Variants in DCC observed in about 807,000 individuals in gnomAD.
The protein encoded by DCC is netrin receptor DCC.
DCC carries 58 observed loss-of-function variants against 172.5 expected under a neutral mutation model. The ratio of observed to expected loss-of-function variants is 0.34; its 90% CI spans 0.27 to 0.42. DCC has a LOEUF of 0.42. Ranked by LOEUF, DCC falls within the 10% of genes least tolerant of loss-of-function variation. The pLI, the probability that DCC is intolerant of heterozygous loss-of-function variation, is 1.00. For synonymous variants in DCC, 709 were observed against 644.5 expected (o/e 1.10, Z -1.52); for missense variants, 1,740 against 1,791.0 (o/e 0.97, Z 0.51).
At chr18:52,892,040 TG>T (rs1891932490) in intron 2 of DCC, among the ~76,000 whole-genome samples, 1 of 152,166 alleles carries the variant, frequency 6.6e-6, no homozygotes. Context: ...GGATGACATC[TG>T]AATTATCCAC....
chr18:53,199,402 C>T (rs2055500318), intron 9 of DCC, among the ~76,000 whole-genome samples: 1 of 151,990 alleles, frequency 6.6e-6, no homozygotes, highest in South Asian at 2.1e-4. Flanking sequence ...CATTGTTGAA[C>T]ATTTTTGAGT....
intron 12 of DCC, among the ~76,000 whole-genome samples, chr18:53,229,789 A>C (rs914103657): frequency 6.6e-6 from 1 of 152,160 alleles, no homozygotes; most frequent in Admixed American, 6.6e-5. Flanking sequence ...GTTTAAAGAA[A>C]GGAAAAAAGC....
chr18:52,854,786 G>T (rs2039026393), intron 2 of DCC, among the ~76,000 whole-genome samples: 1 of 152,150 alleles, frequency 6.6e-6, no homozygotes, highest in Admixed American at 6.5e-5. Context: ...TTCCAGAAAA[G>T]AAATCTTTGG....
chr18:53,417,886 T>C (rs1366883662), intron 21 of DCC, among the ~76,000 whole-genome samples: 1 of 152,162 alleles, frequency 6.6e-6, no homozygotes, highest in African/African-American at 2.4e-5. Flanking sequence ...ATTCTGTAAA[T>C]TGATTATTTT....
chr18:53,207,670 T>C lies in DCC; in HGVS notation c.1723-9T>C, dbSNP rs202111848. On this transcript the variant is annotated splice_polypyrimidine_tract_variant and intron_variant, in intron 10 of 28. Coordinates refer to ENST00000442544, the MANE Select transcript of DCC (RefSeq NM_005215.4). Reference sequence around the variant, plus strand: ...CCTTGATAACAGTTTTGGTGTTTTATGTCTCCAGAATATAGAGGTTGATGG... The same window carrying C: ...CCTTGATAACAGTTTTGGTGTTTTACGTCTCCAGAATATAGAGGTTGATGG... 11 of 1,613,282 alleles carry C rather than the reference T, an allele frequency of 6.8e-6. No individual in the cohort carries two copies. The East Asian group carries it at 2.2e-4, about 33-fold the overall frequency.
intron 1 of DCC, among the ~76,000 whole-genome samples, chr18:52,612,729 G>T (rs2034298590): frequency 6.6e-6 from 1 of 152,112 alleles, no homozygotes; most frequent in African/African-American, 2.4e-5. Flanking sequence ...TACTTAAATG[G>T]ATTTGATTGT....
chr18:53,052,569 C>G (rs750865523), intron 5 of DCC, among the ~76,000 whole-genome samples: 3 of 152,050 alleles, frequency 2.0e-5, no homozygotes, highest in Admixed American at 6.6e-5. Flanking sequence ...CTTGGGATCC[C>G]TTAAGCTCCA....
chr18:52,346,646 A>G (rs1194523470), intron 1 of DCC, among the ~76,000 whole-genome samples: 1 of 152,080 alleles, frequency 6.6e-6, no homozygotes, highest in Non-Finnish European at 1.5e-5. Flanking sequence ...ACCAGTGCAT[A>G]TTGCTCTTTT....
chr18:53,389,363 CAATT>C (rs1247172263), intron 16 of DCC, among the ~76,000 whole-genome samples: 1 of 152,124 alleles, frequency 6.6e-6, no homozygotes, highest in Non-Finnish European at 1.5e-5. Flanking sequence ...GAGAAAAAGA[CAATT>C]AATATATGCA....
intron 21 of DCC, among the ~76,000 whole-genome samples, chr18:53,429,262 TG>T (rs1911447027): frequency 6.8e-6 from 1 of 146,858 alleles, no homozygotes; most frequent in Non-Finnish European, 1.5e-5. Context: ...CTTTAGAAGA[TG>T]GTCTCTGCAA....
At chr18:52,472,831 A>G (rs1988985362) in intron 1 of DCC, among the ~76,000 whole-genome samples, 2 of 152,040 alleles carry the variant, frequency 1.3e-5, no homozygotes, top group South Asian at 4.1e-4. Flanking sequence ...CACTTGAGCT[A>G]AGGGGTTTGA....
At chr18:52,465,539 C>T (rs1188409700) in intron 1 of DCC, among the ~76,000 whole-genome samples, 1 of 152,026 alleles carries the variant, frequency 6.6e-6, no homozygotes, top group Non-Finnish European at 1.5e-5. Context: ...GTGGAGATGC[C>T]CTCAGGGACT....
chr18:53,098,539 T>C (rs530476466), intron 7 of DCC, among the ~76,000 whole-genome samples: 19 of 152,222 alleles, frequency 1.2e-4, no homozygotes, highest in African/African-American at 1.9e-4. Context: ...TGATTAGACC[T>C]AAGTTATGCA....
At chr18:53,016,461 G>T (rs2041808737) in intron 5 of DCC, among the ~76,000 whole-genome samples, 1 of 151,896 alleles carries the variant, frequency 6.6e-6, no homozygotes, top group Non-Finnish European at 1.5e-5. Flanking sequence ...AACTTTAAAT[G>T]ATACATGTCC....
At chr18:53,259,187 A>G (rs1470144842) in intron 12 of DCC, among the ~76,000 whole-genome samples, 1 of 152,124 alleles carries the variant, frequency 6.6e-6, no homozygotes, top group African/African-American at 2.4e-5. Context: ...GTGTCTTTTA[A>G]TTGGAGCATT....
At chr18:53,313,865 C>T (rs975447969) in intron 13 of DCC, among the ~76,000 whole-genome samples, 2 of 152,154 alleles carry the variant, frequency 1.3e-5, no homozygotes, top group African/African-American at 2.4e-5. Flanking sequence ...CACCATAATA[C>T]GTTAGCTTAA....
chr18:52,695,110 T>C (rs9958808), intron 1 of DCC, among the ~76,000 whole-genome samples: 150,931 of 152,260 alleles, frequency 0.99, 74,821 homozygotes, highest in East Asian at 1. Context: ...ATGAATTTCG[T>C]AGGTCTCTTT....
chr18:53,002,450 C>T (rs189905780), intron 5 of DCC, among the ~76,000 whole-genome samples: 48 of 152,226 alleles, frequency 3.2e-4, no homozygotes, highest in African/African-American at 1.2e-3. Flanking sequence ...GTTAAGGTGA[C>T]ACTGCTGCAC....
At chr18:52,986,497 G>A (rs2041294875) in intron 5 of DCC, among the ~76,000 whole-genome samples, 1 of 152,026 alleles carries the variant, frequency 6.6e-6, no homozygotes, top group African/African-American at 2.4e-5. Context: ...TTAAGTCTTA[G>A]TTTCGCCTGC....
Sources: gnomAD v4.1 joint callset for allele counts (sites outside exome capture counted in the v4.1 genomes callset) on GRCh38, gnomAD v4.1.1 for gene constraint, MANE v1.5 for transcripts, NCBI Gene and HGNC (gene_info 2026-07-23, HGNC 2026-07-21) for gene names.